The following ATP11C variants were observed in gnomAD, a reference collection of about 807,000 sequenced individuals.
ATP11C encodes the protein phospholipid-transporting ATPase IG.
ATP11C carries 36 observed loss-of-function variants against 97.4 expected under a neutral mutation model. The ratio of observed to expected loss-of-function variants is 0.37; its 90% CI spans 0.28 to 0.49. The LOEUF (loss-of-function observed/expected upper bound fraction) is 0.49. ATP11C is among the 20% of genes least tolerant of loss of function. ATP11C has a pLI of 0.98. For missense variants in ATP11C, 730 were observed against 824.6 expected, an observed-to-expected ratio of 0.89 and a Z score of 1.40; for synonymous variants, 275 against 290.9, an observed-to-expected ratio of 0.95 and a Z score of 0.56.
intron 1 of ATP11C, among the ~76,000 whole-genome samples, chrX:139,913,741 G>A (rs2085112693): frequency 9.0e-6 from 1 of 110,844 alleles, no homozygotes; most frequent in Admixed American, 9.7e-5. Flanking sequence ...ATCTCCCTTC[G>A]TTGACTCTCT....
At chrX:139,899,837 A>G (rs1404636264) in intron 1 of ATP11C, among the ~76,000 whole-genome samples, 2 of 111,791 alleles carry the variant, frequency 1.8e-5, no homozygotes, top group East Asian at 5.6e-4. Context: ...AGCCCTGGAC[A>G]CCTGTTGTAC....
At position 139,728,483 on chromosome X, in the gene ATP11C, A is replaced by T. The variant is rs2081285154; in HGVS notation, c.*483T>A. The T allele has an allele frequency of 8.6e-6, 1 of 116,209 alleles. No individual in the cohort carries two copies. The highest frequency in any genetic ancestry group is 1.8e-5 in the Non-Finnish European group (1 of 55,622). 9.6% of individuals were successfully genotyped at this position (116,209 alleles called of 1,213,427 possible). ...ATTCCTTATGTACTTGGGAAAAAAA[A>T]TTAAGATGATCATTTAGGAGGAATG... On this transcript the variant is annotated 3_prime_UTR_variant, in exon 30 of 30. Coordinates refer to ENST00000682941, the MANE Select transcript of ATP11C (RefSeq NM_001353812.2).
chrX:139,782,479 C>T (rs2082483655), intron 18 of ATP11C, 68 bp downstream of exon 18: 1 of 725,342 alleles, frequency 1.4e-6, no homozygotes, highest in Non-Finnish European at 2.0e-6. Context: ...GATTAAATTA[C>T]TAATCTGGGG....
At chrX:139,873,649 G>A (rs1166692084) in intron 1 of ATP11C, among the ~76,000 whole-genome samples, 2 of 96,443 alleles carry the variant, frequency 2.1e-5, no homozygotes, top group East Asian at 6.7e-4. Context: ...AGAGGCTGCA[G>A]CGAGCCAAGA....
In ATP11C at chrX:139,858,939, C is replaced by T. The variant is rs768818266; in HGVS notation, c.28-32116G>A. Among the ~76,000 whole-genome samples the T allele has an allele frequency of 8.9e-5, 10 of 112,388 alleles. No individual in the cohort carries two copies. In the East Asian group the frequency reaches 2.8e-3, roughly 31 times the overall value. ...CTAACTCTAAAACACTTTCATCACC[C>T]CCAAAAGAAACTCAACCGAGTATAC... On this transcript the variant is annotated intron_variant, in intron 1 of 29. Coordinates refer to ENST00000682941, the MANE Select transcript of ATP11C (RefSeq NM_001353812.2).
chrX:139,862,905 G>A (rs1268874445), intron 1 of ATP11C, among the ~76,000 whole-genome samples: 1 of 111,494 alleles, frequency 9.0e-6, no homozygotes, highest in Admixed American at 9.5e-5. Context: ...GTGCCTTGGG[G>A]AATAACTGCT....
intron 1 of ATP11C, among the ~76,000 whole-genome samples, chrX:139,919,331 G>A (rs964808066): frequency 4.6e-5 from 5 of 108,513 alleles, no homozygotes; most frequent in Admixed American, 1.0e-4. Context: ...AATTAGCTGC[G>A]TGGTGGCGGG....
chrX:139,795,710 T>C (rs1326575442), intron 12 of ATP11C, among the ~76,000 whole-genome samples: 1 of 111,993 alleles, frequency 8.9e-6, no homozygotes, highest in African/African-American at 3.2e-5. Flanking sequence ...TGGGTTAGAA[T>C]GGGGTCACAG....
rs757251021 is a variant in ATP11C, at chrX:139,848,802, C to G, written c.28-21979G>C. On this transcript the variant is annotated intron_variant, in intron 1 of 29. Transcript: ENST00000682941. ...CTCACTAGCCCTCTCAATTCCTTCC[C>G]AACCTGGCTTTTTGCCATAAATGAC... Among the ~76,000 whole-genome samples, 122 of 111,995 alleles carry G rather than the reference C, an allele frequency of 1.1e-3. 2 individuals are homozygous for G. Among genetic ancestry groups the G allele is most frequent in the Non-Finnish European group, 1.1e-4 (6 of 53,203 alleles).
chrX:139,824,123 C>CAAAAAAA (rs774186718), intron 2 of ATP11C, among the ~76,000 whole-genome samples: 1 of 59,301 alleles, frequency 1.7e-5, no homozygotes, highest in Admixed American at 2.2e-4. Flanking sequence ...CTAAAAATAC[C>CAAAAAAA]AAAAAAAAAA....
chrX:139,927,333 GGCTCTT>G (rs1393874792), intron 1 of ATP11C, among the ~76,000 whole-genome samples: 2 of 112,058 alleles, frequency 1.8e-5, no homozygotes, highest in Admixed American at 9.5e-5. Context: ...CAGGCATGCT[GGCTCTT>G]GCCTGTAATT....
chrX:139,763,343 T>A lies in ATP11C; in HGVS notation c.2467A>T (p.Met823Leu). Residue 823 changes from methionine (M) to leucine (L), a missense_variant, in exon 21 of 30, where the codon ATG becomes TTG. Transcript: ENST00000682941. ...ATTCCCACATGGGATTCCAAGATCA[T>A]ACTAACATCATTGGCACCATCACCT... The part of the protein sequence containing the change: ...SIGDGANDVS[M>L]ILESHVGIGI... The A allele has an allele frequency of 2.5e-6, 3 of 1,210,045 alleles. No individual in the cohort carries two copies. The highest frequency in any genetic ancestry group is 3.4e-6 in the Non-Finnish European group (3 of 893,641).
chrX:139,923,647 G>A (rs780587902), intron 1 of ATP11C, among the ~76,000 whole-genome samples: 5 of 111,879 alleles, frequency 4.5e-5, no homozygotes, highest in Non-Finnish European at 7.5e-5. Flanking sequence ...CTTAAAGAAC[G>A]TCCCCACTGC....
chrX:139,862,184 C>T (rs957263846), intron 1 of ATP11C, among the ~76,000 whole-genome samples: 3 of 111,809 alleles, frequency 2.7e-5, no homozygotes, highest in Non-Finnish European at 3.8e-5. Context: ...GAGGGTGGTA[C>T]ACCCAGGGAG....
At chrX:139,853,322 AAAAG>A (rs1323907162) in intron 1 of ATP11C, among the ~76,000 whole-genome samples, 1 of 108,388 alleles carries the variant, frequency 9.2e-6, no homozygotes, top group Non-Finnish European at 1.9e-5. Context: ...AGAGGAGAGA[AAAAG>A]AGAGAGGGGA....
chrX:139,788,948 C>T (rs2082633315), intron 13 of ATP11C, among the ~76,000 whole-genome samples: 1 of 111,860 alleles, frequency 8.9e-6, no homozygotes, highest in African/African-American at 3.2e-5. Context: ...TGCCTGTAAT[C>T]CCAGCACTTT....
chrX:139,810,176 T>C (rs939622396), intron 5 of ATP11C, among the ~76,000 whole-genome samples: 1 of 111,225 alleles, frequency 9.0e-6, no homozygotes, highest in South Asian at 3.8e-4. Context: ...CAAAAAGGTA[T>C]CTAGGCTGGC....
chrX:139,889,594 A>G (rs1162427736), intron 1 of ATP11C, among the ~76,000 whole-genome samples: 5 of 112,349 alleles, frequency 4.5e-5, no homozygotes, highest in Admixed American at 2.8e-4. Flanking sequence ...AATTCTCAAG[A>G]AAAAAGTTGT....
At chrX:139,729,689 T>A (rs922790802) in intron 29 of ATP11C, among the ~76,000 whole-genome samples, 1 of 111,895 alleles carries the variant, frequency 8.9e-6, no homozygotes, top group Non-Finnish European at 1.9e-5. Context: ...GGATGGTGCA[T>A]GACAGACAAA....
Sources: allele counts gnomAD v4.1 joint callset (sites outside exome capture counted in the v4.1 genomes callset), GRCh38; gene constraint gnomAD v4.1.1; transcripts MANE v1.5; gene names NCBI Gene and HGNC (gene_info 2026-07-23, HGNC 2026-07-21).